Variants in NRCAM observed in about 807,000 individuals in gnomAD.
NRCAM encodes neuronal cell adhesion molecule, also known as NgCAM-related cell adhesion molecule.
A neutral mutation model predicts 156.5 loss-of-function variants in NRCAM; 83 were observed. That is an observed-to-expected ratio of 0.53 (90% CI 0.44 to 0.64). The LOEUF is 0.64. Ranked by LOEUF, NRCAM falls within the 30% of genes least tolerant of loss-of-function variation. The pLI is 0.00. For missense variants in NRCAM, 1,417 were observed against 1,597.3 expected (o/e 0.89, Z 1.92); for synonymous variants, 538 against 563.9 (o/e 0.95, Z 0.65).
intron 2 of NRCAM, among the ~76,000 whole-genome samples, chr7:108,364,426 C>T (rs1477547617): frequency 1.3e-5 from 2 of 152,098 alleles, no homozygotes; most frequent in East Asian, 3.8e-4. Context: ...ATGGTATAGG[C>T]ACTTTGAAAA....
chr7:108,410,988 T>C (rs1370304435), intron 1 of NRCAM, among the ~76,000 whole-genome samples: 2 of 149,134 alleles, frequency 1.3e-5, no homozygotes, highest in East Asian at 3.9e-4. Context: ...TGTTCCATTT[T>C]CAGTTTTATT....
At chr7:108,371,953 C>A (rs10953568) in intron 2 of NRCAM, among the ~76,000 whole-genome samples, 1 of 151,972 alleles carries the variant, frequency 6.6e-6, no homozygotes, top group Admixed American at 6.6e-5. Flanking sequence ...CATCACACTT[C>A]CTGATTTCAA....
chr7:108,318,945 A>G (rs2098966536), intron 2 of NRCAM, among the ~76,000 whole-genome samples: 1 of 152,232 alleles, frequency 6.6e-6, no homozygotes, highest in Non-Finnish European at 1.5e-5. Context: ...AGTGGGAAGA[A>G]AGATTCTAAG....
intron 25 of NRCAM, among the ~76,000 whole-genome samples, 191 bp downstream of exon 25, chr7:108,180,032 C>A (rs2062638578): frequency 6.6e-6 from 1 of 152,150 alleles, no homozygotes. Context: ...GGTTCTGAAG[C>A]CTTCTATGTA....
Position 108,195,752 on chromosome 7 carries a change from G to A in NRCAM, c.1463+9C>T, listed in dbSNP as rs758654749. 1 of 1,459,106 alleles carries A rather than the reference G, an allele frequency of 6.9e-7. No individual in the cohort carries two copies. Among genetic ancestry groups the A allele is most frequent in the Non-Finnish European group, 9.6e-7 (1 of 1,039,222 alleles). The allele number at this position is 1,459,106 out of a possible 1,614,324, so 90.4% of individuals were successfully genotyped here. A position where few individuals can be genotyped will look rare whatever the true frequency, so the allele number is the denominator to read the frequency against. On this transcript the variant is annotated intron_variant, in intron 15 of 32. Transcript: ENST00000379028. ...TAAGTATTGAAAAACACACAGAGCT[G>A]CTACTTACCACTCGATGGTTGGGAG...
chr7:108,211,764 G>A (rs1381234322), intron 11 of NRCAM, among the ~76,000 whole-genome samples: 1 of 151,948 alleles, frequency 6.6e-6, no homozygotes, highest in Non-Finnish European at 1.5e-5. Flanking sequence ...CCCAAAGAGA[G>A]TCTGAGCTCA....
intron 2 of NRCAM, among the ~76,000 whole-genome samples, chr7:108,341,664 C>T (rs1415294384): frequency 1.3e-5 from 2 of 152,146 alleles, no homozygotes; most frequent in Non-Finnish European, 2.9e-5. Flanking sequence ...AATGCCCATC[C>T]TGTTCAAATT....
intron 30 of NRCAM, among the ~76,000 whole-genome samples, chr7:108,161,381 C>T (rs1585403148): frequency 1.3e-5 from 2 of 152,142 alleles, no homozygotes; most frequent in Admixed American, 1.3e-4. Context: ...GAATAATGAG[C>T]ATTTCGGGTA....
chr7:108,168,063 CCT>C (rs1320514008), intron 29 of NRCAM, among the ~76,000 whole-genome samples: 1 of 152,044 alleles, frequency 6.6e-6, no homozygotes, highest in Non-Finnish European at 1.5e-5. Context: ...GAACATATGC[CCT>C]CTGTTATTAA....
chr7:108,443,993 T>C (rs1841720041), intron 1 of NRCAM, among the ~76,000 whole-genome samples: 1 of 152,040 alleles, frequency 6.6e-6, no homozygotes. Context: ...GAGAGAGAGA[T>C]AGGGATACAA....
At chr7:108,162,940 A>T (rs1309005325) in intron 30 of NRCAM, among the ~76,000 whole-genome samples, 1 of 152,204 alleles carries the variant, frequency 6.6e-6, no homozygotes, top group Non-Finnish European at 1.5e-5. Flanking sequence ...AAGCCTTTTC[A>T]GGACAATCTA....
intron 13 of NRCAM, among the ~76,000 whole-genome samples, chr7:108,206,325 C>A (rs559999496): frequency 6.6e-6 from 1 of 152,162 alleles, no homozygotes; most frequent in African/African-American, 2.4e-5. Flanking sequence ...AAAGTCAATT[C>A]GGCAGACCTT....
intron 32 of NRCAM, among the ~76,000 whole-genome samples, chr7:108,151,193 A>G (rs1460461708): frequency 6.6e-6 from 1 of 152,156 alleles, no homozygotes; most frequent in Non-Finnish European, 1.5e-5. Flanking sequence ...ATATTGACCT[A>G]TTTTTTAATA....
chr7:108,169,478 C>T (rs1032542577), intron 28 of NRCAM, among the ~76,000 whole-genome samples: 3 of 152,056 alleles, frequency 2.0e-5, no homozygotes, highest in African/African-American at 4.8e-5. Context: ...AAAATGTAGA[C>T]GCTCAAGACC....
At chr7:108,251,690 G>C (rs1198251924) in intron 3 of NRCAM, among the ~76,000 whole-genome samples, 4 of 152,226 alleles carry the variant, frequency 2.6e-5, no homozygotes, top group East Asian at 1.9e-4. Flanking sequence ...TCTCAACCAA[G>C]GGAAGAATGA....
intron 1 of NRCAM, among the ~76,000 whole-genome samples, chr7:108,419,966 A>T (rs1807030523): frequency 6.6e-6 from 1 of 152,102 alleles, no homozygotes. Context: ...TGTACAACAC[A>T]GTCATCTTCT....
intron 11 of NRCAM, among the ~76,000 whole-genome samples, chr7:108,215,171 A>T (rs536335809): frequency 4.0e-5 from 6 of 150,062 alleles, no homozygotes; most frequent in African/African-American, 1.2e-4. Context: ...TGTCTCACTG[A>T]TCTGTCTAAT....
chr7:108,162,821 A>C (rs2050082566), intron 30 of NRCAM, among the ~76,000 whole-genome samples: 1 of 152,262 alleles, frequency 6.6e-6, no homozygotes, highest in African/African-American at 2.4e-5. Context: ...ACACAAGTAC[A>C]CCAGAAATTG....
intron 1 of NRCAM, among the ~76,000 whole-genome samples, chr7:108,413,277 A>T (rs1368369658): frequency 6.6e-6 from 1 of 152,122 alleles, no homozygotes; most frequent in Non-Finnish European, 1.5e-5. Context: ...TTCCCTGATG[A>T]TTAGTATGTT....
Sources: gnomAD v4.1 joint callset for allele counts (sites outside exome capture counted in the v4.1 genomes callset) on GRCh38, gnomAD v4.1.1 for gene constraint, MANE v1.5 for transcripts, NCBI Gene and HGNC (gene_info 2026-07-23, HGNC 2026-07-21) for gene names.